DCHS2: variants seen among roughly 807,000 people sequenced by gnomAD.
DCHS2 encodes the protein dachsous cadherin-related 2.
Under a neutral mutation model 182.4 loss-of-function variants are expected in DCHS2, and 142 were observed. That is an observed-to-expected ratio of 0.78 (90% CI 0.68 to 0.89). The LOEUF (loss-of-function observed/expected upper bound fraction) is 0.89, where lower values mean the gene tolerates loss of function less well. Among genes scored for constraint, DCHS2 ranks in the 40% least tolerant of loss-of-function variants. The probability of loss-of-function intolerance (pLI) is 0.00; values close to 1 mark genes in which losing one functional copy is unlikely to be tolerated. For missense variants in DCHS2, 4,319 were observed against 4,198.6 expected (o/e 1.03, Z -0.79); for synonymous variants, 1,740 against 1,663.3 (o/e 1.05, Z -1.12).
chr4:154,348,033 A>C (rs1018429972), intron 3 of DCHS2, among the ~76,000 whole-genome samples: 2 of 151,944 alleles, frequency 1.3e-5, no homozygotes, highest in Admixed American at 1.3e-4. Context: ...AATATTTCAA[A>C]ATCTTTTCAA....
At chr4:154,411,675 T>C (rs934001946) in intron 1 of DCHS2, among the ~76,000 whole-genome samples, 1 of 152,184 alleles carries the variant, frequency 6.6e-6, no homozygotes, top group Non-Finnish European at 1.5e-5. Flanking sequence ...AACAGTGTAT[T>C]ATATTCAGGA....
At chr4:154,366,859 A>G (rs1474114839) in intron 2 of DCHS2, among the ~76,000 whole-genome samples, 1 of 152,184 alleles carries the variant, frequency 6.6e-6, no homozygotes, top group Admixed American at 6.5e-5. Context: ...CCAAAAAGAA[A>G]TCAAAATCAC....
chr4:154,365,546 A>G (rs1402221957), intron 3 of DCHS2, among the ~76,000 whole-genome samples: 1 of 150,856 alleles, frequency 6.6e-6, no homozygotes, highest in Admixed American at 6.6e-5. Flanking sequence ...TCATAGCTTC[A>G]TATCTCACTG....
At chr4:154,249,700 A>T (rs1025130379) in intron 16 of DCHS2, among the ~76,000 whole-genome samples, 1 of 152,136 alleles carries the variant, frequency 6.6e-6, no homozygotes, top group Non-Finnish European at 1.5e-5. Context: ...GGAAAATGTG[A>T]TCTATGCAGC....
chr4:154,429,192 ATG>A (rs1443924150), intron 1 of DCHS2, among the ~76,000 whole-genome samples: 2 of 152,186 alleles, frequency 1.3e-5, no homozygotes, highest in Admixed American at 6.5e-5. Context: ...CTGGCATAGA[ATG>A]TGAGTGCCTA....
At chr4:154,375,387 C>T (rs1730841961) in intron 2 of DCHS2, among the ~76,000 whole-genome samples, 1 of 151,706 alleles carries the variant, frequency 6.6e-6, no homozygotes, top group Non-Finnish European at 1.5e-5. Flanking sequence ...TAGAAAAGGC[C>T]AGCCACGGAA....
At chr4:154,329,497 A>AT in intron 6 of DCHS2, 26 bp downstream of exon 6, 1 of 1,601,318 alleles carries the variant, frequency 6.2e-7, no homozygotes, top group Non-Finnish European at 8.5e-7. Context: ...GATATTACAA[A>AT]TTCATTGCAA....
At chr4:154,470,826 C>G (rs966212152) in intron 1 of DCHS2, among the ~76,000 whole-genome samples, 1 of 152,162 alleles carries the variant, frequency 6.6e-6, no homozygotes, top group Non-Finnish European at 1.5e-5. Flanking sequence ...ATTTTACCAC[C>G]TACCACCATA....
Position 154,298,574 on chromosome 4 carries a change from T to C in DCHS2, c.5740A>G (p.Ser1914Gly), listed in dbSNP as rs761546670. ...CTAACTTGCAGGTGTATTACAGAGC[T>C]CCTAGGTGGATCTCCCAGGTCAGAG... is the stretch of plus-strand genomic sequence containing the variant. ...LCSDLGDPPR[S>G]SVIHLQVRVL... The change falls in exon 13 of 20, where the codon AGC becomes GGC. Residue 1914 changes from serine to glycine, a missense_variant. By Grantham distance (56) the Ser-to-Gly change is moderately conservative (BLOSUM62 0). Transcript: ENST00000357232. 1 of 1,614,154 alleles carries C rather than the reference T, an allele frequency of 6.2e-7. No individual in the cohort carries two copies. The highest frequency in any genetic ancestry group is 1.1e-5 in the South Asian group (1 of 91,082).
intron 1 of DCHS2, among the ~76,000 whole-genome samples, chr4:154,383,363 G>A (rs1017060385): frequency 1.3e-5 from 2 of 152,156 alleles, no homozygotes; most frequent in Admixed American, 1.3e-4. Context: ...CCCATTGGTT[G>A]CAATGCTCAT....
chr4:154,262,773 C>G (rs1487355539), intron 14 of DCHS2, among the ~76,000 whole-genome samples: 1 of 152,210 alleles, frequency 6.6e-6, no homozygotes, highest in African/African-American at 2.4e-5. Context: ...CCGTCTCCTA[C>G]TTAAACAATG....
intron 1 of DCHS2, among the ~76,000 whole-genome samples, chr4:154,432,582 C>A (rs1255976379): frequency 6.6e-6 from 1 of 151,740 alleles, no homozygotes; most frequent in Non-Finnish European, 1.5e-5. Flanking sequence ...TTAAAATAGG[C>A]CAGGTGAACA....
chr4:154,487,391 A>G (rs1728625182), intron 1 of DCHS2, among the ~76,000 whole-genome samples: 2 of 152,216 alleles, frequency 1.3e-5, no homozygotes, highest in Admixed American at 1.3e-4. Flanking sequence ...TCTCAGACGG[A>G]GGAGAAACAG....
chr4:154,437,431 A>G (rs1204058366), intron 1 of DCHS2, among the ~76,000 whole-genome samples: 2 of 152,184 alleles, frequency 1.3e-5, no homozygotes, highest in South Asian at 2.1e-4. Context: ...AACAAGCCCA[A>G]TCTAGGCTTT....
chr4:154,394,826 A>G (rs1467369085), intron 1 of DCHS2, among the ~76,000 whole-genome samples: 1 of 152,210 alleles, frequency 6.6e-6, no homozygotes. Flanking sequence ...ATAAATTCTC[A>G]ACAGTGTTTC....
chr4:154,479,895 A>C (rs1735853416), intron 1 of DCHS2, among the ~76,000 whole-genome samples: 1 of 152,202 alleles, frequency 6.6e-6, no homozygotes, highest in Non-Finnish European at 1.5e-5. Flanking sequence ...ACACAAGAAA[A>C]ATGCCATATA....
intron 1 of DCHS2, chr4:154,384,351 C>A (rs1207262729): frequency 1.6e-5 from 26 of 1,610,722 alleles, no homozygotes; most frequent in East Asian, 1.3e-4. Flanking sequence ...CCTCATGCAC[C>A]ACCTGACTGA....
chr4:154,385,878 C>A (rs80029018), intron 1 of DCHS2, among the ~76,000 whole-genome samples: 2,321 of 152,124 alleles, frequency 0.015, 57 homozygotes, highest in African/African-American at 0.051. Flanking sequence ...GTGGTCTGAC[C>A]AGCCCACGAC....
intron 3 of DCHS2, among the ~76,000 whole-genome samples, chr4:154,345,115 T>C (rs1343442383): frequency 2.0e-5 from 3 of 152,320 alleles, no homozygotes; most frequent in South Asian, 2.1e-4. Flanking sequence ...AACAGTGTCT[T>C]GGGGCATCAG....
Sources: allele counts gnomAD v4.1 joint callset (sites outside exome capture counted in the v4.1 genomes callset), GRCh38; gene constraint gnomAD v4.1.1; transcripts MANE v1.5; gene names NCBI Gene and HGNC (gene_info 2026-07-23, HGNC 2026-07-21).